ARFGEF2: variants seen among roughly 807,000 people sequenced by gnomAD.
The protein encoded by ARFGEF2 is ARF guanine nucleotide exchange factor 2.
In ARFGEF2, 74 loss-of-function variants were observed where a neutral mutation model predicts 219.9. That is an observed-to-expected ratio of 0.34 (90% CI 0.28 to 0.41). The LOEUF (loss-of-function observed/expected upper bound fraction) is 0.41, where lower values mean the gene tolerates loss of function less well. Ranked by LOEUF, ARFGEF2 falls within the 10% of genes least tolerant of loss-of-function variation. The probability of loss-of-function intolerance (pLI) is 1.00; values close to 1 mark genes in which losing one functional copy is unlikely to be tolerated. For missense variants in ARFGEF2, 1,743 were observed against 2,218.3 expected (o/e 0.79, Z 4.30); for synonymous variants, 733 against 799.2 (o/e 0.92, Z 1.40).
intron 2 of ARFGEF2, 61 bp downstream of exon 2, chr20:48,941,290 G>C: frequency 1.3e-6 from 2 of 1,549,530 alleles, no homozygotes; most frequent in Non-Finnish European, 1.8e-6. Flanking sequence ...TAGCAACTGG[G>C]GGAGCCTCTT....
chr20:48,975,494 T>G (rs1006054547), intron 13 of ARFGEF2, among the ~76,000 whole-genome samples: 1 of 152,180 alleles, frequency 6.6e-6, no homozygotes, highest in South Asian at 2.1e-4. Context: ...TACTCTTTCA[T>G]GTGAATTTTA....
rs760690266 is a variant in ARFGEF2, at chr20:49,034,933, G to A, written c.*1734G>A. The stretch of plus-strand genomic sequence containing the variant: ...ATGACTTATATACATTAGATAAAAG[G>A]AGCTGTATAATTTAGCAGGAAGGGA... On this transcript the variant is annotated 3_prime_UTR_variant, in exon 39 of 39. Coordinates refer to ENST00000371917, the MANE Select transcript of ARFGEF2 (RefSeq NM_006420.3). 3.9e-5 allele frequency: 6 copies of A among 152,128 alleles called. No homozygotes were observed. Among genetic ancestry groups the A allele is most frequent in the Non-Finnish European group, 5.9e-5 (4 of 68,044 alleles). The allele number at this position is 152,128 out of a possible 1,614,324, so 9.4% of individuals were successfully genotyped here. A position where few individuals can be genotyped will look rare whatever the true frequency, so the allele number is the denominator to read the frequency against.
Position 48,965,978 on chromosome 20 carries a change from C to A in ARFGEF2, c.1014C>A (p.Asn338Lys), listed in dbSNP as rs201523904. The A allele has an allele frequency of 2.5e-6, 4 of 1,614,120 alleles. No individual in the cohort carries two copies. In the Admixed American group the frequency reaches 6.7e-5, roughly 27 times the overall value. ...PPGVDENSQT[N>K]GIADDRQSLS... ...GAGTTGATGAAAACTCACAGACCAA[C>A]GGGATAGCCGATGACAGGCAGTCCT... The change falls in exon 8 of 39, where the codon AAC becomes AAA. Residue 338 changes from asparagine to lysine, a missense_variant. By Grantham distance (94) the Asn-to-Lys change is moderately conservative. Transcript: ENST00000371917.
intron 1 of ARFGEF2, among the ~76,000 whole-genome samples, chr20:48,922,340 T>G (rs2090847881): frequency 6.6e-6 from 1 of 152,164 alleles, no homozygotes; most frequent in Non-Finnish European, 1.5e-5. Flanking sequence ...TGCCCCAAGT[T>G]TTTTCGTTAC....
chr20:49,001,014 A>G (rs2091421581), intron 25 of ARFGEF2, among the ~76,000 whole-genome samples: 1 of 148,580 alleles, frequency 6.7e-6, no homozygotes, highest in South Asian at 2.1e-4. Context: ...TTATTTAATC[A>G]GTGCTGTTTA....
At chr20:49,005,334 A>T in intron 26 of ARFGEF2, 113 bp downstream of exon 26, 1 of 1,209,754 alleles carries the variant, frequency 8.3e-7, no homozygotes, top group South Asian at 1.2e-5. Context: ...AGTGGAAACA[A>T]ATAGAATGAA....
intron 20 of ARFGEF2, among the ~76,000 whole-genome samples, chr20:48,989,914 T>C (rs1045283715): frequency 5.9e-5 from 9 of 152,216 alleles, no homozygotes; most frequent in African/African-American, 2.2e-4. Context: ...GCACAGTGGC[T>C]CACGCCTGTA....
chr20:49,001,755 T>C (rs1251558903), intron 25 of ARFGEF2, among the ~76,000 whole-genome samples: 1 of 152,220 alleles, frequency 6.6e-6, no homozygotes, highest in African/African-American at 2.4e-5. Context: ...TGTATATCTT[T>C]CCAGACATTT....
Position 48,953,664 on chromosome 20 carries a change from G to A in ARFGEF2, c.712G>A (p.Ala238Thr). Reference protein sequence around the residue: ...PKFVRLKHSQAQSKPTTPEKT... With the variant: ...PKFVRLKHSQTQSKPTTPEKT... ...GTTCGTTCGTTTGAAGCACAGTCAG[G>A]CACAAAGCAAACCAACAACTCCCGA... The change falls in exon 6 of 39, where the codon GCA becomes ACA. Residue 238 changes from alanine (A) to threonine (T), a missense_variant. Physicochemically the swap from Ala to Thr is moderately conservative, Grantham distance 58. This residue lies in a region of ARFGEF2 where 394 missense variants were observed against 426.6 expected (regional missense o/e 0.92). Coordinates refer to ENST00000371917, the MANE Select transcript of ARFGEF2 (RefSeq NM_006420.3). 1.2e-6 allele frequency: 2 copies of A among 1,614,108 alleles called. No individual in the cohort carries two copies. The highest frequency in any genetic ancestry group is 1.1e-5 in the South Asian group (1 of 91,078).
Position 49,035,832 on chromosome 20 carries a change from C to G in ARFGEF2, c.*2633C>G. On this transcript the variant is annotated 3_prime_UTR_variant, in exon 39 of 39. Transcript: ENST00000371917. ...CCAGCTTTGGCATCTTAACAACAAA[C>G]AGTGGATGGGTAATTTTTATTTCTG... is the stretch of plus-strand genomic sequence containing the variant. The G allele has an allele frequency of 5.1e-6, 1 of 195,344 alleles. No individual in the cohort carries two copies. The highest frequency in any genetic ancestry group is 1.0e-5 in the Non-Finnish European group (1 of 97,046). The allele number at this position is 195,344 out of a possible 1,614,324, so 12.1% of individuals were successfully genotyped here.
At position 48,972,311 on chromosome 20, in the gene ARFGEF2, C is replaced by G; in HGVS notation, c.1426-15C>G. On this transcript the variant is annotated splice_polypyrimidine_tract_variant and intron_variant, in intron 10 of 38. Coordinates refer to ENST00000371917, the MANE Select transcript of ARFGEF2 (RefSeq NM_006420.3). ...ACTGTTAATTAGTGTCCTCCTTTGT[C>G]TTTATGTCATATAGGTCTTTTTCAA... is the stretch of plus-strand genomic sequence containing the variant. The G allele has an allele frequency of 6.3e-7, 1 of 1,582,652 alleles. No individual in the cohort carries two copies. The highest frequency in any genetic ancestry group is 8.7e-7 in the Non-Finnish European group (1 of 1,151,458).
chr20:48,923,024 G>T (rs1210132225), intron 1 of ARFGEF2, among the ~76,000 whole-genome samples: 2 of 152,224 alleles, frequency 1.3e-5, no homozygotes, highest in Non-Finnish European at 2.9e-5. Context: ...CCATGGTCAG[G>T]AAAGTAATCT....
At chr20:48,949,124 GA>G (rs1465379935) in intron 3 of ARFGEF2, among the ~76,000 whole-genome samples, 4 of 152,232 alleles carry the variant, frequency 2.6e-5, no homozygotes, top group Non-Finnish European at 4.4e-5. Context: ...CTGCACAGAT[GA>G]GGGGGGAAGT....
intron 11 of ARFGEF2, 116 bp from the exon 12 acceptor site, chr20:48,973,029 G>T: frequency 8.6e-7 from 1 of 1,160,872 alleles, no homozygotes; most frequent in South Asian, 1.3e-5. Context: ...TGAGTGAGAT[G>T]TGGCCACCGG....
At chr20:48,936,603 C>T (rs1056534430) in intron 1 of ARFGEF2, among the ~76,000 whole-genome samples, 6 of 152,262 alleles carry the variant, frequency 3.9e-5, no homozygotes, top group Middle Eastern at 3.4e-3. Context: ...CAGCTCACTG[C>T]GCCCTTTGCC....
intron 25 of ARFGEF2, 50 bp from the exon 26 acceptor site, chr20:49,005,020 G>A (rs375474001): frequency 2.5e-6 from 4 of 1,610,962 alleles, no homozygotes; most frequent in Admixed American, 1.7e-5. Flanking sequence ...GACCCACGTC[G>A]GTCATTATTA....
intron 38 of ARFGEF2, 100 bp from the exon 39 acceptor site, chr20:49,032,923 T>C (rs2091645182): frequency 2.6e-6 from 3 of 1,160,746 alleles, no homozygotes; most frequent in African/African-American, 3.1e-5. Flanking sequence ...AAAGCACCAA[T>C]ATTGTAATAA....
At chr20:48,965,749 G>T in intron 7 of ARFGEF2, 123 bp from the exon 8 acceptor site, 3 of 1,143,322 alleles carry the variant, frequency 2.6e-6, no homozygotes, top group Non-Finnish European at 3.9e-6. Context: ...TGGGCTGGTG[G>T]CACAGGAAAA....
At chr20:48,961,838 T>A (rs1302568833) in intron 6 of ARFGEF2, among the ~76,000 whole-genome samples, 2 of 146,926 alleles carry the variant, frequency 1.4e-5, no homozygotes, top group Non-Finnish European at 3.0e-5. Flanking sequence ...CACTCCAACC[T>A]GGGCAACAGA....
Sources: gnomAD v4.1 joint callset for allele counts (sites outside exome capture counted in the v4.1 genomes callset) on GRCh38, gnomAD v4.1.1 for gene constraint, gnomAD v4.1.1 regional missense constraint, MANE v1.5 for transcripts, NCBI Gene and HGNC (gene_info 2026-07-23, HGNC 2026-07-21) for gene names.